Variants in VPS13B observed in about 807,000 individuals in gnomAD.
VPS13B encodes intermembrane lipid transfer protein VPS13B.
VPS13B carries 285 observed loss-of-function variants against 426.4 expected under a neutral mutation model. The observed-to-expected ratio is 0.67, with a 90% CI of 0.61 to 0.74. The LOEUF is 0.74. Among genes scored for constraint, VPS13B ranks in the 30% least tolerant of loss-of-function variants. The probability of loss-of-function intolerance (pLI) is 0.00; values close to 1 mark genes in which losing one functional copy is unlikely to be tolerated. For missense variants in VPS13B, 4,537 were observed against 4,782.6 expected, an observed-to-expected ratio of 0.95 and a Z score of 1.51; for synonymous variants, 1,676 against 1,676.4, an observed-to-expected ratio of 1.00 and a Z score of 0.01.
intron 19 of VPS13B, chr8:99,340,369 T>G (rs1235269578): frequency 2.4e-6 from 1 of 410,748 alleles, no homozygotes; most frequent in Non-Finnish European, 4.8e-6. Context: ...ATAAGCCAAC[T>G]CTGGGAAGAA....
chr8:99,476,407 ATT>A (rs200393313), intron 24 of VPS13B, among the ~76,000 whole-genome samples: 29,018 of 143,958 alleles, frequency 0.2, 3,240 homozygotes, highest in East Asian at 0.38. Context: ...GGATGGCTTG[ATT>A]TTTTTTTTTT....
chr8:99,608,938 T>C (rs1167906260), intron 33 of VPS13B, among the ~76,000 whole-genome samples: 2 of 152,160 alleles, frequency 1.3e-5, no homozygotes, highest in African/African-American at 4.8e-5. Context: ...GTTTCCACCT[T>C]TTGGCTATTA....
At chr8:99,058,232 G>A (rs1046598396) in intron 3 of VPS13B, among the ~76,000 whole-genome samples, 3 of 151,796 alleles carry the variant, frequency 2.0e-5, no homozygotes, top group African/African-American at 7.3e-5. Flanking sequence ...GACGGCAGAA[G>A]CAAATATGAG....
At chr8:99,272,835 C>A (rs1237677896) in intron 17 of VPS13B, among the ~76,000 whole-genome samples, 6 of 152,112 alleles carry the variant, frequency 3.9e-5, no homozygotes. Context: ...TATTTTAACA[C>A]AGGAATTATT....
At chr8:99,391,864 G>T (rs1814465877) in intron 21 of VPS13B, among the ~76,000 whole-genome samples, 160 bp downstream of exon 21, 1 of 152,204 alleles carries the variant, frequency 6.6e-6, no homozygotes. Context: ...CACAGTATTA[G>T]CATTTTTTTG....
intron 33 of VPS13B, among the ~76,000 whole-genome samples, chr8:99,634,307 A>G (rs763603938): frequency 2.6e-5 from 4 of 151,998 alleles, no homozygotes; most frequent in Non-Finnish European, 4.4e-5. Context: ...GTTCCTTTTC[A>G]TAATTTACAA....
chr8:99,254,793 CCA>C (rs879652024), intron 17 of VPS13B, among the ~76,000 whole-genome samples: 3 of 151,968 alleles, frequency 2.0e-5, no homozygotes, highest in Non-Finnish European at 2.9e-5. Flanking sequence ...CAGGCACCCA[CCA>C]CCATGCCTAG....
chr8:99,339,775 G>A (rs1811135178), intron 19 of VPS13B, among the ~76,000 whole-genome samples: 1 of 152,098 alleles, frequency 6.6e-6, no homozygotes, highest in Admixed American at 6.5e-5. Flanking sequence ...ATGTTTCACT[G>A]TTAGAAGCAA....
chr8:99,720,368 G>C lies in VPS13B; in HGVS notation c.6681G>C (p.Leu2227Phe), dbSNP rs1328274945. ...AGGTCTTCTGGGGTCAAGAACATTTGAATTGTTTAGTTCTTCTACATGAAT... is the reference window on the plus strand; with the variant it reads ...AGGTCTTCTGGGGTCAAGAACATTTCAATTGTTTAGTTCTTCTACATGAAT... ...LLQVFWGQEH[L>F]NCLVLLHELL... The change falls in exon 38 of 62, where the codon TTG (leucine) becomes TTC (phenylalanine). Residue 2227 changes from leucine to phenylalanine, a missense_variant. Physicochemically the swap from Leu to Phe is conservative, Grantham distance 22 (BLOSUM62 0). Around this residue, in one of 2 missense-constraint regions of VPS13B, gnomAD observed 4,311 missense variants for 4,474.3 expected, o/e 0.96. Coordinates refer to ENST00000357162, the MANE Select transcript of VPS13B (RefSeq NM_152564.5). 1 of 1,613,162 alleles carries C rather than the reference G, an allele frequency of 6.2e-7. No homozygotes were observed.
chr8:99,051,747 T>C (rs1843566293), intron 3 of VPS13B, among the ~76,000 whole-genome samples: 1 of 152,200 alleles, frequency 6.6e-6, no homozygotes, highest in African/African-American at 2.4e-5. Context: ...GTCCTTCACA[T>C]CCCTTGTAAG....
At chr8:99,740,791 C>T (rs1346871226) in intron 39 of VPS13B, among the ~76,000 whole-genome samples, 1 of 152,090 alleles carries the variant, frequency 6.6e-6, no homozygotes, top group African/African-American at 2.4e-5. Context: ...TTTGTCACCA[C>T]CAGGCCTGCC....
intron 12 of VPS13B, among the ~76,000 whole-genome samples, chr8:99,140,141 C>T (rs1476003054): frequency 6.6e-6 from 1 of 151,818 alleles, no homozygotes; most frequent in Non-Finnish European, 1.5e-5. Context: ...CTGAGGTGGG[C>T]AGACCATGAG....
chr8:99,499,534 G>C (rs1048480557), intron 25 of VPS13B, among the ~76,000 whole-genome samples: 2 of 151,980 alleles, frequency 1.3e-5, no homozygotes, highest in African/African-American at 2.4e-5. Flanking sequence ...ATAAAGAAAG[G>C]CTATATATAT....
chr8:99,048,812 C>G (rs1477591251), intron 3 of VPS13B, among the ~76,000 whole-genome samples: 4 of 68,682 alleles, frequency 5.8e-5, no homozygotes, highest in Non-Finnish European at 1.4e-4. Flanking sequence ...AAAACTCTGT[C>G]TCAAAAAAAA....
At chr8:99,703,733 G>A (rs997052827) in intron 36 of VPS13B, among the ~76,000 whole-genome samples, 3 of 152,060 alleles carry the variant, frequency 2.0e-5, no homozygotes, top group Non-Finnish European at 4.4e-5. Flanking sequence ...TATAAATTGC[G>A]AACTTGCAGT....
At chr8:99,258,425 G>T (rs1817868956) in intron 17 of VPS13B, among the ~76,000 whole-genome samples, 1 of 151,748 alleles carries the variant, frequency 6.6e-6, no homozygotes, top group Non-Finnish European at 1.5e-5. Flanking sequence ...TTTGTTATCG[G>T]TATCACAACA....
At chr8:99,397,206 C>T (rs748138816) in intron 21 of VPS13B, among the ~76,000 whole-genome samples, 11 of 152,074 alleles carry the variant, frequency 7.2e-5, no homozygotes, top group African/African-American at 2.2e-4. Context: ...AGTGCAGTGA[C>T]GTGATCTTGG....
chr8:99,790,647 G>A (rs1197529960), intron 43 of VPS13B, among the ~76,000 whole-genome samples: 2 of 152,158 alleles, frequency 1.3e-5, no homozygotes, highest in African/African-American at 2.4e-5. Flanking sequence ...TATGAACAAA[G>A]TCTTAATGGG....
chr8:99,247,012 G>A (rs1025124059), intron 17 of VPS13B, among the ~76,000 whole-genome samples: 4 of 152,068 alleles, frequency 2.6e-5, no homozygotes, highest in Non-Finnish European at 5.9e-5. Flanking sequence ...TTGAGGGCAG[G>A]CACTATATTT....
Sources: allele counts gnomAD v4.1 joint callset (sites outside exome capture counted in the v4.1 genomes callset), GRCh38; gene constraint gnomAD v4.1.1; regional missense constraint gnomAD v4.1.1; transcripts MANE v1.5; gene names NCBI Gene and HGNC (gene_info 2026-07-23, HGNC 2026-07-21).